The following PLOD2 variants were observed in gnomAD, a reference collection of about 807,000 sequenced individuals.
PLOD2 encodes procollagen-lysine,2-oxoglutarate 5-dioxygenase 2, also known as lysine hydroxylase 2.
In PLOD2, 65 loss-of-function variants were observed where a neutral mutation model predicts 101.0. The ratio of observed to expected loss-of-function variants is 0.64; its 90% CI spans 0.53 to 0.79. PLOD2 has a LOEUF of 0.79. PLOD2 is among the 30% of genes least tolerant of loss of function. The probability of loss-of-function intolerance (pLI) is 0.00; values close to 1 mark genes in which losing one functional copy is unlikely to be tolerated. For missense variants in PLOD2, 909 were observed against 914.6 expected, an observed-to-expected ratio of 0.99 and a Z score of 0.08; for synonymous variants, 314 against 302.9, an observed-to-expected ratio of 1.04 and a Z score of -0.38.
intron 3 of PLOD2, among the ~76,000 whole-genome samples, chr3:146,110,662 C>A (rs533421976): frequency 2.4e-4 from 37 of 152,006 alleles, no homozygotes; most frequent in Non-Finnish European, 4.9e-4. Flanking sequence ...AAATGAAGTC[C>A]AAATAAAAGT....
At position 146,079,139 on chromosome 3, in the gene PLOD2, G is replaced by A. The variant is rs148173194; in HGVS notation, c.1477C>T (p.Leu493Phe). 8.1e-6 allele frequency: 13 copies of A among 1,612,752 alleles called. No individual in the cohort carries two copies. Among genetic ancestry groups the A allele is most frequent in the Non-Finnish European group, 1.1e-5 (13 of 1,179,040 alleles). The change falls in exon 13 of 20, where the codon CTT (leucine) becomes TTT (phenylalanine). Residue 493 changes from leucine (L) to phenylalanine (F), a missense_variant. Physicochemically the swap from Leu to Phe is conservative, Grantham distance 22. Coordinates refer to ENST00000282903, the MANE Select transcript of PLOD2 (RefSeq NM_182943.3). ...ACCATTTCTCTAGCATTTCGGCAAA[G>A]AGCCATATCAGGATCCAGTTTATCA... Reference protein sequence around the residue: ...VRDKLDPDMALCRNAREMTLQ... With the variant: ...VRDKLDPDMAFCRNAREMTLQ...
intron 3 of PLOD2, 65 bp downstream of exon 3, chr3:146,121,047 T>C: frequency 1.6e-6 from 2 of 1,271,862 alleles, no homozygotes; most frequent in Non-Finnish European, 2.3e-6. Flanking sequence ...TCTACAAATA[T>C]AAATCTCAGC....
chr3:146,121,096 A>G lies in PLOD2; in HGVS notation c.338+16T>C, dbSNP rs748773768. On this transcript the variant is annotated intron_variant, in intron 3 of 19. Coordinates refer to ENST00000282903, the MANE Select transcript of PLOD2 (RefSeq NM_182943.3). ...ATTGAATATAGATTTTAAAATCCAC[A>G]GGGTGTTTCTCCTACCATTCAGTAA... 1 of 1,544,096 alleles carries G rather than the reference A, an allele frequency of 6.5e-7. No homozygotes were observed. Among genetic ancestry groups the G allele is most frequent in the Non-Finnish European group, 9.0e-7 (1 of 1,116,644 alleles).
intron 3 of PLOD2, among the ~76,000 whole-genome samples, chr3:146,113,382 G>A (rs2108075147): frequency 6.6e-6 from 1 of 152,206 alleles, no homozygotes; most frequent in Non-Finnish European, 1.5e-5. Flanking sequence ...ATTTATTTTG[G>A]CTGTAAAAAG....
chr3:146,091,947 C>T (rs181977607), intron 7 of PLOD2, 46 bp from the exon 8 acceptor site: 105 of 987,100 alleles, frequency 1.1e-4, no homozygotes, highest in East Asian at 2.9e-4. Flanking sequence ...GGCCTCTCAT[C>T]GGTGTGGTTT....
intron 1 of PLOD2, among the ~76,000 whole-genome samples, chr3:146,151,366 G>C (rs145435198): frequency 6.6e-6 from 1 of 152,068 alleles, no homozygotes; most frequent in Non-Finnish European, 1.5e-5. Context: ...GCATAGTAGC[G>C]CATGCCTGTA....
intron 2 of PLOD2, among the ~76,000 whole-genome samples, chr3:146,123,605 C>T (rs2030343242): frequency 6.6e-6 from 1 of 151,838 alleles, no homozygotes; most frequent in African/African-American, 2.4e-5. Context: ...TCCCTGCAAA[C>T]AAAGAATCAT....
Position 146,103,595 on chromosome 3 carries a change from G to A in PLOD2, c.679+684C>T, listed in dbSNP as rs980511449. ...AGCCTCTCATATAGCTGGGACTATA[G>A]GCACGCACCACCATGCCTGACTAGA... On this transcript the variant is annotated intron_variant, in intron 6 of 19. Coordinates refer to ENST00000282903, the MANE Select transcript of PLOD2 (RefSeq NM_182943.3). Among the ~76,000 whole-genome samples, 23 of 151,846 alleles carry A rather than the reference G, an allele frequency of 1.5e-4. No individual in the cohort carries two copies. The East Asian group carries it at 4.5e-3, about 29-fold the overall frequency.
intron 7 of PLOD2, among the ~76,000 whole-genome samples, chr3:146,097,792 C>CAGT: frequency 6.0e-5 from 1 of 16,730 alleles, no homozygotes. Context: ...CAAGAATGAT[C>CAGT]AATAAAAAAA....
chr3:146,088,813 A>G, intron 8 of PLOD2, 102 bp from the exon 9 acceptor site: 2 of 1,011,940 alleles, frequency 2.0e-6, no homozygotes, highest in Non-Finnish European at 3.0e-6. Flanking sequence ...ATACTAGAAT[A>G]TCAATTCAAC....
chr3:146,159,936 G>C (rs531285967), intron 1 of PLOD2, among the ~76,000 whole-genome samples: 124 of 152,250 alleles, frequency 8.1e-4, no homozygotes, highest in African/African-American at 2.9e-3. Context: ...ATGTAACTCT[G>C]AAATAGAAAT....
intron 1 of PLOD2, among the ~76,000 whole-genome samples, chr3:146,148,110 A>C (rs2031871008): frequency 6.6e-6 from 1 of 151,984 alleles, no homozygotes; most frequent in Admixed American, 6.6e-5. Flanking sequence ...ACAGCTTGGA[A>C]GGTGTTTAGG....
Position 146,088,705 on chromosome 3 carries a change from G to C in PLOD2, c.886C>G (p.Pro296Ala). The C allele has an allele frequency of 2.5e-6, 4 of 1,606,088 alleles. No individual in the cohort carries two copies. The highest frequency in any genetic ancestry group is 1.3e-5 in the African/African-American group (1 of 74,784). ...ATAAAAACACCTATTGATACGTTTGGATGGACCTTTGTTTTACACCAAACA... is the reference window on the plus strand; with the variant it reads ...ATAAAAACACCTATTGATACGTTTGCATGGACCTTTGTTTTACACCAAACA... ...TVDLSAVDVH[P>A]NVSIGVFIEQ... The change falls in exon 9 of 20, where the codon CCA (proline) becomes GCA (alanine). Residue 296 changes from proline to alanine, a missense_variant. Pro to Ala is a conservative substitution (Grantham distance 27). Coordinates refer to ENST00000282903, the MANE Select transcript of PLOD2 (RefSeq NM_182943.3).
rs749195044 is a variant in PLOD2, at chr3:146,085,267, A to G, written c.1134T>C (p.Phe378=). 82 of 1,567,040 alleles carry G rather than the reference A, an allele frequency of 5.2e-5. No individual in the cohort carries two copies. Among genetic ancestry groups the G allele is most frequent in the Non-Finnish European group, 6.7e-5 (76 of 1,137,610 alleles). ...AATCACACTTTTCATCCTGACGGCA[A>G]AAGTCCCTAACAGTGAAAAAGAAAA... ...QAEARNMGMD[F]CRQDEKCDYY... The change falls in exon 11 of 20, where the codon TTT becomes TTC. Residue 378 remains phenylalanine, a synonymous_variant. Coordinates refer to ENST00000282903, the MANE Select transcript of PLOD2 (RefSeq NM_182943.3).
intron 1 of PLOD2, among the ~76,000 whole-genome samples, chr3:146,133,123 C>T (rs1218424009): frequency 6.6e-6 from 1 of 152,156 alleles, no homozygotes; most frequent in Middle Eastern, 3.4e-3. Context: ...TTGCAGTGAG[C>T]GGAGATCACG....
chr3:146,117,390 A>T lies in PLOD2; in HGVS notation c.338+3722T>A, dbSNP rs569517197. ...GGGCATCATATTTCAAACCATTTAC[A>T]AACAGTTTAATTCATTCTCCCAGGC... On this transcript the variant is annotated intron_variant, in intron 3 of 19. Coordinates refer to ENST00000282903, the MANE Select transcript of PLOD2 (RefSeq NM_182943.3). 4.6e-5 allele frequency among the ~76,000 whole-genome samples: 7 copies of T among 152,300 alleles called. No homozygotes were observed. The East Asian group carries it at 1.2e-3, about 25-fold the overall frequency.
At position 146,076,833 on chromosome 3, in the gene PLOD2, G is replaced by A. The variant is rs1936359379; in HGVS notation, c.1626C>T (p.Tyr542=). Residue 542 remains tyrosine (Y), a synonymous_variant, in exon 15 of 20, where the codon TAC becomes TAT. Coordinates refer to ENST00000282903, the MANE Select transcript of PLOD2 (RefSeq NM_182943.3). The part of the protein sequence containing the change: ...EFGRLLSTAN[Y]NTSHYNNDLW... ...GGTCATTGTTATAATGGGAAGTATT[G>A]TAATTAGCAGTGGATAATAGCCTTC... 1.3e-6 allele frequency: 2 copies of A among 1,591,386 alleles called. No individual in the cohort carries two copies. The highest frequency in any genetic ancestry group is 1.7e-6 in the Non-Finnish European group (2 of 1,160,612).
chr3:146,079,199 G>A lies in PLOD2; in HGVS notation c.1417C>T (p.Arg473Ter), dbSNP rs750664256. Residue 473 changes from arginine (R) to a stop codon, truncating the protein, a stop_gained, in exon 13 of 20, where the codon CGA (arginine) becomes TGA (stop). Transcript: ENST00000282903. LOFTEE classifies it high-confidence loss of function. The stretch of plus-strand genomic sequence containing the variant: ...TAGTTCCTTTCATTCATCTCTGATC[G>A]GAGTGTCTTTCCTTTAATTAAGTAC... Reference protein sequence around the residue: ...NVYLIKGKTLRSEMNERNYFV... With the variant: ...NVYLIKGKTL The A allele has an allele frequency of 1.2e-5, 20 of 1,610,074 alleles. No individual in the cohort carries two copies. The highest frequency in any genetic ancestry group is 4.4e-5 in the South Asian group (4 of 90,986).
At chr3:146,086,267 A>T (rs528152997) in intron 10 of PLOD2, 35 of 152,586 alleles carry the variant, frequency 2.3e-4, no homozygotes, top group African/African-American at 8.2e-4. Context: ...ATTAATATTC[A>T]TTGAATACAC....
Sources: allele counts gnomAD v4.1 joint callset (sites outside exome capture counted in the v4.1 genomes callset), GRCh38; gene constraint gnomAD v4.1.1; transcripts MANE v1.5; gene names NCBI Gene and HGNC (gene_info 2026-07-23, HGNC 2026-07-21).